Variants in DTWD2 observed in about 807,000 individuals in gnomAD.
DTWD2 encodes DTW motif tRNA-uridine aminocarboxypropyltransferase 2.
A neutral mutation model predicts 31.8 loss-of-function variants in DTWD2; 39 were observed. The observed-to-expected ratio is 1.22, with a 90% CI of 0.95 to 1.60. The LOEUF is 1.60. Among genes scored for constraint, DTWD2 ranks in the 40% most tolerant of loss-of-function variants. The probability of loss-of-function intolerance (pLI) is 0.00; values close to 1 mark genes in which losing one functional copy is unlikely to be tolerated. For synonymous variants in DTWD2, 180 were observed against 142.8 expected (o/e 1.26, Z -1.86); for missense variants, 515 against 381.5 (o/e 1.35, Z -2.92).
At chr5:118,853,325 T>C (rs748288864) in intron 4 of DTWD2, among the ~76,000 whole-genome samples, 3 of 152,206 alleles carry the variant, frequency 2.0e-5, no homozygotes, top group South Asian at 4.1e-4. Flanking sequence ...TCAGCCTCTA[T>C]AGAAATTAGT....
intron 1 of DTWD2, among the ~76,000 whole-genome samples, chr5:118,970,764 G>A (rs912783249): frequency 6.6e-6 from 1 of 152,178 alleles, no homozygotes; most frequent in Non-Finnish European, 1.5e-5. Context: ...CCTACAAAGA[G>A]AAGTCCATCA....
chr5:118,885,798 A>G (rs1321233099), intron 4 of DTWD2, among the ~76,000 whole-genome samples: 1 of 151,292 alleles, frequency 6.6e-6, no homozygotes, highest in African/African-American at 2.4e-5. Flanking sequence ...TAAAAAATAA[A>G]TATAAAAAAT....
rs144531960 is a variant in DTWD2, at chr5:118,846,920, G to GCACACACACA, written c.726+1160_726+1169dup. On this transcript the variant is annotated intron_variant, in intron 5 of 5. Transcript: ENST00000510708. Reference sequence around the variant, plus strand: ...AAACAAAGTCTACTCAAACACACAGGCACACACACACACACACACACACAC... The same window carrying GCACACACACA: ...AAACAAAGTCTACTCAAACACACAGGCACACACACACACACACACACACACACACACACAC... 1.1e-3 allele frequency among the ~76,000 whole-genome samples: 144 copies of GCACACACACA among 134,978 alleles called. 4 individuals are homozygous for GCACACACACA. Among genetic ancestry groups the GCACACACACA allele is most frequent in the East Asian group, 3.9e-3 (16 of 4,064 alleles). The allele number at this position is 134,978 out of a possible 152,430, so 88.6% of individuals were successfully genotyped here.
chr5:118,907,146 T>A (rs1364043283), intron 4 of DTWD2, among the ~76,000 whole-genome samples: 2 of 152,180 alleles, frequency 1.3e-5, no homozygotes, highest in Non-Finnish European at 2.9e-5. Context: ...GACCATGAAG[T>A]ATATTACAAC....
chr5:118,959,293 A>G (rs1326703482), intron 1 of DTWD2, among the ~76,000 whole-genome samples: 6 of 152,218 alleles, frequency 3.9e-5, no homozygotes, highest in African/African-American at 1.4e-4. Flanking sequence ...TAGCATTTCT[A>G]TACACCAATA....
At chr5:118,934,436 TAGA>T (rs1053704910) in intron 3 of DTWD2, among the ~76,000 whole-genome samples, 2 of 150,722 alleles carry the variant, frequency 1.3e-5, no homozygotes, top group African/African-American at 4.9e-5. Flanking sequence ...ACACAAAAAA[TAGA>T]AGGAGATTGC....
At chr5:118,928,438 T>C in intron 4 of DTWD2, 99 bp downstream of exon 4, 1 of 817,534 alleles carries the variant, frequency 1.2e-6, no homozygotes, top group Non-Finnish European at 1.7e-6. Context: ...TACCACCAAA[T>C]TCATATATAA....
intron 4 of DTWD2, 124 bp from the exon 5 acceptor site, chr5:118,848,342 A>T: frequency 5.1e-6 from 4 of 788,424 alleles, no homozygotes; most frequent in Admixed American, 3.4e-5. Flanking sequence ...TAAATGTGTC[A>T]ATATCTTTTA....
chr5:118,976,518 A>G (rs974352093), intron 1 of DTWD2, among the ~76,000 whole-genome samples: 1 of 152,242 alleles, frequency 6.6e-6, no homozygotes, highest in African/African-American at 2.4e-5. Context: ...ATCACCAATG[A>G]TCCCACAGAA....
intron 4 of DTWD2, among the ~76,000 whole-genome samples, chr5:118,919,840 T>C (rs1455584114): frequency 1.3e-5 from 2 of 152,194 alleles, no homozygotes; most frequent in African/African-American, 4.8e-5. Context: ...TATAATTAAA[T>C]TGTCCTACAA....
intron 1 of DTWD2, among the ~76,000 whole-genome samples, chr5:118,950,842 C>G (rs546757311): frequency 6.6e-6 from 1 of 152,278 alleles, no homozygotes; most frequent in East Asian, 1.9e-4. Flanking sequence ...TATTGTACAC[C>G]TTGAAGGCAA....
intron 1 of DTWD2, among the ~76,000 whole-genome samples, chr5:118,960,135 C>T (rs1754674750): frequency 1.3e-5 from 2 of 152,078 alleles, no homozygotes; most frequent in Non-Finnish European, 2.9e-5. Flanking sequence ...AGAAACTTAT[C>T]AACAGAGTAA....
chr5:118,911,883 C>T (rs1006775743), intron 4 of DTWD2, among the ~76,000 whole-genome samples: 2 of 152,208 alleles, frequency 1.3e-5, no homozygotes, highest in Admixed American at 6.5e-5. Context: ...TCTATCCCTA[C>T]TCAGGGGCAT....
chr5:118,896,598 C>A (rs1753089664), intron 4 of DTWD2, among the ~76,000 whole-genome samples: 1 of 152,082 alleles, frequency 6.6e-6, no homozygotes, highest in South Asian at 2.1e-4. Context: ...TTCCTTAACA[C>A]TTGAAAAAGA....
At chr5:118,972,694 T>C (rs997943014) in intron 1 of DTWD2, among the ~76,000 whole-genome samples, 7 of 152,108 alleles carry the variant, frequency 4.6e-5, no homozygotes, top group African/African-American at 1.4e-4. Context: ...CCCTCCAATA[T>C]CCCTGATGAA....
intron 4 of DTWD2, among the ~76,000 whole-genome samples, chr5:118,917,994 C>T (rs1473137871): frequency 6.6e-6 from 1 of 151,402 alleles, no homozygotes; most frequent in African/African-American, 2.4e-5. Context: ...CATGAGAATT[C>T]ATTCACTATC....
chr5:118,933,301 C>T (rs1045373916), intron 3 of DTWD2, among the ~76,000 whole-genome samples: 2 of 152,118 alleles, frequency 1.3e-5, no homozygotes, highest in Non-Finnish European at 2.9e-5. Context: ...CAGAACATTG[C>T]CTAATTCATT....
intron 1 of DTWD2, among the ~76,000 whole-genome samples, chr5:118,963,688 G>A (rs895122346): frequency 2.0e-5 from 3 of 152,140 alleles, no homozygotes; most frequent in Admixed American, 1.3e-4. Context: ...ATTCATTGCC[G>A]AGTGATGGCA....
Position 118,988,286 on chromosome 5 carries a change from G to A in DTWD2, c.218+8C>T, listed in dbSNP as rs1232926617. ...GGCTGCAGTCCCCGCCCCCAGCCCC[G>A]CGGTCACCTGCAGCGGGTGCACTCA... On this transcript the variant is annotated splice_region_variant and intron_variant, in intron 1 of 5. Coordinates refer to ENST00000510708, the MANE Select transcript of DTWD2 (RefSeq NM_173666.4). 2.0e-6 allele frequency: 3 copies of A among 1,523,124 alleles called. No homozygotes were observed. Among genetic ancestry groups the A allele is most frequent in the East Asian group, 4.9e-5 (2 of 40,528 alleles). 94.4% of individuals were successfully genotyped at this position (1,523,124 alleles called of 1,614,324 possible).
Sources: allele counts gnomAD v4.1 joint callset (sites outside exome capture counted in the v4.1 genomes callset), GRCh38; gene constraint gnomAD v4.1.1; transcripts MANE v1.5; gene names NCBI Gene and HGNC (gene_info 2026-07-23, HGNC 2026-07-21).